Variants in CDH18 observed in about 807,000 individuals in gnomAD.
The protein encoded by CDH18 is cadherin-18.
A neutral mutation model predicts 67.9 loss-of-function variants in CDH18; 31 were observed. That is an observed-to-expected ratio of 0.46 (90% CI 0.34 to 0.62). CDH18 has a LOEUF of 0.62. Among genes scored for constraint, CDH18 ranks in the 20% least tolerant of loss-of-function variants. The pLI is 0.01. For missense variants in CDH18, 890 were observed against 975.5 expected (o/e 0.91, Z 1.17); for synonymous variants, 362 against 347.2 (o/e 1.04, Z -0.48).
intron 2 of CDH18, among the ~76,000 whole-genome samples, chr5:20,116,515 T>TA (rs530778791): frequency 0.017 from 2,424 of 143,098 alleles, 65 homozygotes; most frequent in African/African-American, 0.055. Flanking sequence ...GACTCCCTCT[T>TA]AAAAAAAAAA....
chr5:20,173,198 A>T (rs1452587521), intron 2 of CDH18, among the ~76,000 whole-genome samples: 1 of 152,138 alleles, frequency 6.6e-6, no homozygotes, highest in African/African-American at 2.4e-5. Context: ...AATGCAGGGG[A>T]TAAACATTTA....
intron 5 of CDH18, among the ~76,000 whole-genome samples, chr5:19,680,028 A>G (rs1466907509): frequency 1.3e-5 from 2 of 152,000 alleles, no homozygotes; most frequent in East Asian, 3.9e-4. Context: ...CCCATTATCC[A>G]ACTTCAAACT....
At chr5:20,166,169 G>A (rs893973528) in intron 2 of CDH18, among the ~76,000 whole-genome samples, 1 of 151,938 alleles carries the variant, frequency 6.6e-6, no homozygotes, top group Non-Finnish European at 1.5e-5. Context: ...GGCCAGGTGT[G>A]GTGGCTCACA....
chr5:20,231,951 T>G (rs1206712351), intron 2 of CDH18, among the ~76,000 whole-genome samples: 1 of 152,108 alleles, frequency 6.6e-6, no homozygotes, highest in African/African-American at 2.4e-5. Flanking sequence ...AAATAATAGA[T>G]GCTAGAATGT....
chr5:19,667,636 A>G (rs1209122654), intron 5 of CDH18, among the ~76,000 whole-genome samples: 1 of 130,556 alleles, frequency 7.7e-6, no homozygotes, highest in Non-Finnish European at 1.7e-5. Context: ...TTATATATAT[A>G]TTATTTGCCA....
At chr5:19,965,997 G>A (rs1797399613) in intron 2 of CDH18, among the ~76,000 whole-genome samples, 1 of 152,126 alleles carries the variant, frequency 6.6e-6, no homozygotes, top group Non-Finnish European at 1.5e-5. Context: ...CAAACAGATG[G>A]TATGTGGCTT....
chr5:20,054,893 T>C (rs1741766315), intron 2 of CDH18, among the ~76,000 whole-genome samples: 1 of 152,158 alleles, frequency 6.6e-6, no homozygotes, highest in Non-Finnish European at 1.5e-5. Flanking sequence ...AGTCAGGTGA[T>C]ACAAATGTGA....
chr5:20,568,059 T>C (rs1043008554), intron 1 of CDH18, among the ~76,000 whole-genome samples: 1 of 152,212 alleles, frequency 6.6e-6, no homozygotes, highest in East Asian at 1.9e-4. Context: ...GTCATTCTTC[T>C]AAGCTTTTTA....
chr5:19,549,755 AAAG>A (rs1737038734), intron 8 of CDH18, among the ~76,000 whole-genome samples: 2 of 135,972 alleles, frequency 1.5e-5, no homozygotes, highest in African/African-American at 6.6e-5. Flanking sequence ...AAAGAAAAAG[AAAG>A]AAAGAAAAAG....
intron 3 of CDH18, among the ~76,000 whole-genome samples, chr5:19,754,654 C>T (rs1771291757): frequency 6.6e-6 from 1 of 152,120 alleles, no homozygotes. Context: ...TACCTTGGAA[C>T]AAATGGACTT....
chr5:20,196,218 C>T (rs545491977), intron 2 of CDH18, among the ~76,000 whole-genome samples: 1 of 152,204 alleles, frequency 6.6e-6, no homozygotes, highest in South Asian at 2.1e-4. Flanking sequence ...TGATAGATCC[C>T]AGAATATATT....
At position 20,516,157 on chromosome 5, in the gene CDH18, TC is replaced by T. The variant is rs1488873893; in HGVS notation, c.-580+59304del. Among the ~76,000 whole-genome samples, 49 of 151,994 alleles carry T rather than the reference TC, an allele frequency of 3.2e-4. 1 individual carries two copies. Among genetic ancestry groups the T allele is most frequent in the Admixed American group, 3.3e-4 (5 of 15,222 alleles). On this transcript the variant is annotated intron_variant, in intron 1 of 14. Coordinates refer to the CDH18 transcript ENST00000507958. ...AGGTTTGTAGTACTTATTATGGTGG[TC>T]CTATTATAATTTGGATTTTTTTTCC...
At chr5:20,396,185 GT>G (rs1245595285) in intron 1 of CDH18, among the ~76,000 whole-genome samples, 1 of 152,122 alleles carries the variant, frequency 6.6e-6, no homozygotes, top group Non-Finnish European at 1.5e-5. Context: ...GTGGGAGACA[GT>G]TTAGTGGGAC....
chr5:19,561,221 C>T (rs1000122071), intron 8 of CDH18, among the ~76,000 whole-genome samples: 1 of 152,134 alleles, frequency 6.6e-6, no homozygotes, highest in Admixed American at 6.5e-5. Flanking sequence ...ATGTTTATAG[C>T]AGCACAATTC....
intron 2 of CDH18, among the ~76,000 whole-genome samples, chr5:20,018,212 A>G (rs1312553186): frequency 6.6e-6 from 1 of 152,204 alleles, no homozygotes; most frequent in African/African-American, 2.4e-5. Flanking sequence ...CCCATGTGGC[A>G]GATTAATGCA....
intron 5 of CDH18, among the ~76,000 whole-genome samples, chr5:19,641,449 G>A (rs1466903131): frequency 6.6e-6 from 1 of 151,936 alleles, no homozygotes; most frequent in Non-Finnish European, 1.5e-5. Context: ...TTAATAAAAT[G>A]CTATAAAAAG....
intron 2 of CDH18, among the ~76,000 whole-genome samples, chr5:20,132,677 T>C (rs1298412602): frequency 6.6e-6 from 1 of 152,154 alleles, no homozygotes; most frequent in East Asian, 1.9e-4. Flanking sequence ...CATCTTTAGT[T>C]AATTAATTTA....
intron 1 of CDH18, among the ~76,000 whole-genome samples, chr5:20,363,460 A>G (rs1742256141): frequency 7.7e-6 from 1 of 130,054 alleles, no homozygotes; most frequent in African/African-American, 3.0e-5. Context: ...TGGGCAACAC[A>G]GAGCGAGACT....
chr5:19,641,918 T>C (rs2150227827), intron 5 of CDH18, among the ~76,000 whole-genome samples: 1 of 151,964 alleles, frequency 6.6e-6, no homozygotes, highest in African/African-American at 2.4e-5. Context: ...TATTTTCAGG[T>C]CCTCTGCATA....
Sources: gnomAD v4.1 joint callset for allele counts (sites outside exome capture counted in the v4.1 genomes callset) on GRCh38, gnomAD v4.1.1 for gene constraint, MANE v1.5 for transcripts, NCBI Gene and HGNC (gene_info 2026-07-23, HGNC 2026-07-21) for gene names.